The following PDE4D variants were observed in gnomAD, a reference collection of about 807,000 sequenced individuals.
PDE4D encodes the protein phosphodiesterase 4D, also known as 3',5'-cyclic-AMP phosphodiesterase 4D.
PDE4D carries 24 observed loss-of-function variants against 87.4 expected under a neutral mutation model. The observed-to-expected ratio is 0.27, with a 90% CI of 0.20 to 0.39. PDE4D has a LOEUF of 0.39. PDE4D is among the 10% of genes least tolerant of loss of function. The pLI is 1.00. For missense variants in PDE4D, 714 were observed against 1,041.0 expected, an observed-to-expected ratio of 0.69 and a Z score of 4.32; for synonymous variants, 384 against 383.2, an observed-to-expected ratio of 1.00 and a Z score of -0.02.
At chr5:60,181,877 A>T (rs980228502) in intron 2 of PDE4D, among the ~76,000 whole-genome samples, 3 of 152,280 alleles carry the variant, frequency 2.0e-5, no homozygotes, top group East Asian at 1.9e-4. Flanking sequence ...AAATGCTAAA[A>T]TTTTTACTTT....
chr5:59,687,450 A>G (rs1402088018), intron 1 of PDE4D, among the ~76,000 whole-genome samples: 1 of 152,240 alleles, frequency 6.6e-6, no homozygotes, highest in Non-Finnish European at 1.5e-5. Context: ...TTTTCAACCC[A>G]GAATTTCATA....
chr5:60,408,244 A>T (rs1181789372), intron 1 of PDE4D, among the ~76,000 whole-genome samples: 1 of 152,218 alleles, frequency 6.6e-6, no homozygotes, highest in East Asian at 1.9e-4. Context: ...AGCATAAAAA[A>T]AATGGTTGTT....
chr5:59,320,543 T>G (rs537966027), intron 1 of PDE4D, among the ~76,000 whole-genome samples: 2 of 152,158 alleles, frequency 1.3e-5, no homozygotes, highest in African/African-American at 4.8e-5. Flanking sequence ...TTTATACTTA[T>G]TTGATGTAAT....
intron 1 of PDE4D, among the ~76,000 whole-genome samples, chr5:59,867,703 G>A (rs1747245981): frequency 6.6e-6 from 1 of 152,104 alleles, no homozygotes; most frequent in Non-Finnish European, 1.5e-5. Flanking sequence ...ACAGGAGTCT[G>A]GTGAAATTAT....
intron 1 of PDE4D, among the ~76,000 whole-genome samples, chr5:59,765,443 A>G (rs1762667315): frequency 6.6e-6 from 1 of 152,226 alleles, no homozygotes; most frequent in Admixed American, 6.5e-5. Context: ...AACATACTAT[A>G]TAACCAAGAT....
intron 5 of PDE4D, among the ~76,000 whole-genome samples, chr5:59,131,272 T>A (rs1776214780): frequency 6.6e-6 from 1 of 152,006 alleles, no homozygotes; most frequent in Non-Finnish European, 1.5e-5. Context: ...CCTACTAGAG[T>A]ATAAGGTAGA....
chr5:59,669,601 T>C (rs1229866251), intron 1 of PDE4D, among the ~76,000 whole-genome samples: 1 of 152,224 alleles, frequency 6.6e-6, no homozygotes, highest in Non-Finnish European at 1.5e-5. Context: ...TTCTATGGCA[T>C]GCTGGACATA....
chr5:59,518,075 A>G (rs1224328949), intron 1 of PDE4D, among the ~76,000 whole-genome samples: 3 of 152,106 alleles, frequency 2.0e-5, no homozygotes, highest in African/African-American at 7.2e-5. Flanking sequence ...AGCAGGTTTA[A>G]TTCTCAAGCA....
At chr5:59,671,921 T>A (rs1229555534) in intron 1 of PDE4D, among the ~76,000 whole-genome samples, 1 of 152,166 alleles carries the variant, frequency 6.6e-6, no homozygotes. Flanking sequence ...GTCCCTAGAT[T>A]TTTTTCTAAA....
At chr5:59,796,217 T>G (rs2152656949) in intron 1 of PDE4D, among the ~76,000 whole-genome samples, 1 of 152,326 alleles carries the variant, frequency 6.6e-6, no homozygotes, top group East Asian at 1.9e-4. Context: ...TAGGAGTCAC[T>G]GAATATCGTA....
intron 1 of PDE4D, among the ~76,000 whole-genome samples, chr5:60,414,893 C>T (rs568228119): frequency 1.3e-4 from 20 of 151,882 alleles, no homozygotes; most frequent in Middle Eastern, 3.4e-3. Context: ...AGTGCCTCTT[C>T]GTCTCTGGTA....
chr5:60,301,689 C>T (rs1583348515), intron 1 of PDE4D, among the ~76,000 whole-genome samples: 1 of 152,168 alleles, frequency 6.6e-6, no homozygotes, highest in Non-Finnish European at 1.5e-5. Flanking sequence ...ATTTGAATAC[C>T]CTTTATTTCT....
chr5:59,660,471 C>G (rs1004589560), intron 1 of PDE4D, among the ~76,000 whole-genome samples: 3 of 151,858 alleles, frequency 2.0e-5, no homozygotes, highest in African/African-American at 7.3e-5. Flanking sequence ...TTTTTCCTCC[C>G]TTTTCTAATT....
rs201952394 is a variant in PDE4D, at chr5:60,009,574, AG to A, written c.43-20858del. On this transcript the variant is annotated intron_variant, in intron 2 of 16. Transcript: ENST00000502484. ...GTGTTTAGGATATAAAAAGCACTAA[AG>A]TAGATAGAATGTGTTAAAATCAGAT... is the stretch of plus-strand genomic sequence containing the variant. Among the ~76,000 whole-genome samples, 3 of 152,084 alleles carry A rather than the reference AG, an allele frequency of 2.0e-5. No homozygotes were observed. The East Asian group carries it at 5.8e-4, about 29-fold the overall frequency.
At chr5:59,797,409 TG>T (rs1766616321) in intron 1 of PDE4D, among the ~76,000 whole-genome samples, 1 of 152,230 alleles carries the variant, frequency 6.6e-6, no homozygotes, top group Admixed American at 6.5e-5. Context: ...TTAGATGCTT[TG>T]GGCAAATAAA....
intron 1 of PDE4D, among the ~76,000 whole-genome samples, chr5:59,694,850 A>G (rs965837354): frequency 6.6e-6 from 1 of 152,200 alleles, no homozygotes; most frequent in Non-Finnish European, 1.5e-5. Flanking sequence ...AGTAACACAC[A>G]TAACAGTCTA....
At chr5:59,169,653 G>A (rs142725677) in intron 5 of PDE4D, among the ~76,000 whole-genome samples, 4 of 152,130 alleles carry the variant, frequency 2.6e-5, no homozygotes, top group Non-Finnish European at 5.9e-5. Flanking sequence ...TGTTAGATGA[G>A]GGTGTGGGTG....
chr5:59,833,465 C>G (rs560125507), intron 1 of PDE4D, among the ~76,000 whole-genome samples: 1 of 152,064 alleles, frequency 6.6e-6, no homozygotes, highest in Non-Finnish European at 1.5e-5. Flanking sequence ...CAGAGGGGAA[C>G]AGGTGATGTC....
At chr5:60,165,938 A>G (rs527807614) in intron 2 of PDE4D, among the ~76,000 whole-genome samples, 1 of 151,928 alleles carries the variant, frequency 6.6e-6, no homozygotes, top group South Asian at 2.1e-4. Flanking sequence ...GTTGTTTTGT[A>G]GAGTCTTTGT....
Sources: gnomAD v4.1 joint callset for allele counts (sites outside exome capture counted in the v4.1 genomes callset) on GRCh38, gnomAD v4.1.1 for gene constraint, MANE v1.5 for transcripts, NCBI Gene and HGNC (gene_info 2026-07-23, HGNC 2026-07-21) for gene names.